BCO1: variants seen among roughly 807,000 people sequenced by gnomAD.
BCO1 encodes the protein beta,beta-carotene 15,15'-dioxygenase.
In BCO1, 54 loss-of-function variants were observed where a neutral mutation model predicts 56.3. The observed-to-expected ratio is 0.96, with a 90% CI of 0.77 to 1.20. The LOEUF is 1.20. Among genes scored for constraint, BCO1 ranks in the 50% most tolerant of loss-of-function variants. BCO1 has a pLI of 0.00. For missense variants in BCO1, 801 were observed against 690.9 expected (o/e 1.16, Z -1.79); for synonymous variants, 318 against 266.1 (o/e 1.20, Z -1.90).
intron 5 of BCO1, 70 bp downstream of exon 5, chr16:81,264,857 T>C: frequency 5.8e-6 from 9 of 1,558,796 alleles, no homozygotes; most frequent in Non-Finnish European, 8.0e-6. Context: ...AGTTCTGTTT[T>C]TCGTTGATGA....
chr16:81,290,855 A>G lies in BCO1; in HGVS notation c.*278A>G. ...CCTTTCCTTTAACAAAAAGACCTTG[A>G]CCATGAATCAGAGATTGTATTCAAT... On this transcript the variant is annotated 3_prime_UTR_variant, in exon 11 of 11. Transcript: ENST00000258168. The G allele has an allele frequency of 2.7e-6, 1 of 365,412 alleles. No homozygotes were observed. Among genetic ancestry groups the G allele is most frequent in the Non-Finnish European group, 5.0e-6 (1 of 201,878 alleles). 22.6% of individuals were successfully genotyped at this position (365,412 alleles called of 1,614,324 possible). A position where few individuals can be genotyped will look rare whatever the true frequency, so the allele number is the denominator to read the frequency against.
At chr16:81,269,816 T>C (rs2151941661) in intron 6 of BCO1, among the ~76,000 whole-genome samples, 1 of 152,258 alleles carries the variant, frequency 6.6e-6, no homozygotes, top group Non-Finnish European at 1.5e-5. Flanking sequence ...TCTCCCCAAC[T>C]TGGTCATTGC....
intron 7 of BCO1, among the ~76,000 whole-genome samples, chr16:81,276,949 C>A (rs544180483): frequency 6.6e-6 from 1 of 151,392 alleles, no homozygotes; most frequent in African/African-American, 2.4e-5. Flanking sequence ...TGCCTGTAAC[C>A]TCAGCTACTC....
At chr16:81,267,876 C>T in intron 5 of BCO1, 32 bp from the exon 6 acceptor site, 1 of 1,603,030 alleles carries the variant, frequency 6.2e-7, no homozygotes, top group Non-Finnish European at 8.5e-7. Context: ...AGATCCTGCA[C>T]AATTCCTGAG....
intron 1 of BCO1, among the ~76,000 whole-genome samples, chr16:81,241,887 C>G (rs973711554): frequency 6.6e-6 from 1 of 152,138 alleles, no homozygotes; most frequent in Non-Finnish European, 1.5e-5. Context: ...TGCCGACACA[C>G]GTGTGTTCTG....
In BCO1 at chr16:81,273,340, C is replaced by A. The variant is rs1000664535; in HGVS notation, c.1101+2924C>A. 4.6e-5 allele frequency among the ~76,000 whole-genome samples: 7 copies of A among 152,224 alleles called. No homozygotes were observed. The Middle Eastern group carries it at 0.01, about 222-fold the overall frequency. ...GAACTCTGCTATTCTCCCCAGTAGC[C>A]CTAAGTCCTAGGAAAGAGCCTCAGA... On this transcript the variant is annotated intron_variant, in intron 7 of 10. Coordinates refer to ENST00000258168, the MANE Select transcript of BCO1 (RefSeq NM_017429.3).
chr16:81,263,184 C>T (rs1467690107), intron 4 of BCO1: 3 of 149,218 alleles, frequency 2.0e-5, no homozygotes, highest in African/African-American at 7.5e-5. Context: ...GATCTCAGCT[C>T]ACTGCAACCT....
chr16:81,264,897 T>C, intron 5 of BCO1, 110 bp downstream of exon 5: 2 of 1,269,708 alleles, frequency 1.6e-6, no homozygotes, highest in Non-Finnish European at 2.3e-6. Flanking sequence ...CTTTCTCCCG[T>C]AGATTATTGA....
chr16:81,252,381 G>A (rs999957989), intron 2 of BCO1, among the ~76,000 whole-genome samples: 10 of 152,012 alleles, frequency 6.6e-5, no homozygotes, highest in South Asian at 2.1e-4. Context: ...TCAGCCTCCC[G>A]AGTGGCTGGG....
chr16:81,287,659 C>T (rs1007031352), intron 10 of BCO1, among the ~76,000 whole-genome samples: 3 of 152,182 alleles, frequency 2.0e-5, no homozygotes, highest in Non-Finnish European at 4.4e-5. Context: ...AAATCACCAA[C>T]CTCACTGCAA....
intron 4 of BCO1, 189 bp downstream of exon 4, chr16:81,262,472 T>C: frequency 1.5e-6 from 1 of 653,696 alleles, no homozygotes; most frequent in East Asian, 2.9e-5. Flanking sequence ...GTTTTTATCT[T>C]CGTGTCTGTA....
chr16:81,238,723 G>A lies in BCO1; in HGVS notation c.-186G>A, dbSNP rs1055656088. 2 of 663,716 alleles carry A rather than the reference G, an allele frequency of 3.0e-6. No homozygotes were observed. Among genetic ancestry groups the A allele is most frequent in the East Asian group, 5.5e-5 (2 of 36,172 alleles). The allele number at this position is 663,716 out of a possible 1,614,324, so 41.1% of individuals were successfully genotyped here. On this transcript the variant is annotated 5_prime_UTR_variant, in exon 1 of 11. Transcript: ENST00000258168. ...AAGAGATCCAGGGCTCTTGGAGAGG[G>A]ACAAGTGAGAGCCAGCCAAAAAGGA...
chr16:81,246,453 T>G lies in BCO1; in HGVS notation c.193+850T>G, dbSNP rs190158614. ...CTAAAAAGGAGGCCAAGGTTCTTTT[T>G]CAAATAGTTAATCTTGCAAAATAAT... On this transcript the variant is annotated intron_variant, in intron 2 of 10. Transcript: ENST00000258168. 3.7e-3 allele frequency among the ~76,000 whole-genome samples: 568 copies of G among 152,254 alleles called. 1 individual carries two copies. The highest frequency in any genetic ancestry group is 4.9e-3 in the Non-Finnish European group (332 of 68,024).
chr16:81,280,417 C>A (rs182392536), intron 7 of BCO1, among the ~76,000 whole-genome samples: 1 of 151,530 alleles, frequency 6.6e-6, no homozygotes, highest in African/African-American at 2.4e-5. Flanking sequence ...AGACTGCATA[C>A]GCAATTTGTC....
intron 7 of BCO1, among the ~76,000 whole-genome samples, chr16:81,280,293 A>G (rs1304475889): frequency 1.0e-5 from 1 of 97,488 alleles, no homozygotes; most frequent in Admixed American, 1.5e-4. Flanking sequence ...AAAAAAAAAA[A>G]AAAAAAAAAA....
chr16:81,285,572 A>T lies in BCO1; in HGVS notation c.1240A>T (p.Asn414Tyr), dbSNP rs1270810593. Residue 414 changes from asparagine (N) to tyrosine (Y), a missense_variant, in exon 9 of 11, where the codon AAT (asparagine) becomes TAT (tyrosine). Coordinates refer to ENST00000258168, the MANE Select transcript of BCO1 (RefSeq NM_017429.3). ...GCTTCCACGGGTCAATTATGCTCACAATGGAAAGCAATACCGATATGTCTT... is the reference window on the plus strand; with the variant it reads ...GCTTCCACGGGTCAATTATGCTCACTATGGAAAGCAATACCGATATGTCTT... ...LELPRVNYAH[N>Y]GKQYRYVFAT... The T allele has an allele frequency of 6.2e-7, 1 of 1,613,860 alleles. No homozygotes were observed. The highest frequency in any genetic ancestry group is 8.5e-7 in the Non-Finnish European group (1 of 1,179,752).
chr16:81,240,246 A>C (rs897797506), intron 1 of BCO1, among the ~76,000 whole-genome samples: 1 of 152,038 alleles, frequency 6.6e-6, no homozygotes, highest in African/African-American at 2.4e-5. Flanking sequence ...TCTCTTAACC[A>C]CTATTAATAT....
chr16:81,285,277 A>G lies in BCO1; in HGVS notation c.1208-263A>G, dbSNP rs3803651. On this transcript the variant is annotated intron_variant, in intron 8 of 10. Transcript: ENST00000258168. ...CAATTCTCTTTGATTTCTATGTTGG[A>G]TAATTAAAGATGTTTATACACTTAA... 0.24 allele frequency among the ~76,000 whole-genome samples: 36,844 copies of G among 152,190 alleles called. 4,695 individuals carry two copies. Among genetic ancestry groups the G allele is most frequent in the Middle Eastern group, 0.33 (97 of 294 alleles).
At chr16:81,278,906 CT>C (rs1184596081) in intron 7 of BCO1, among the ~76,000 whole-genome samples, 1 of 151,670 alleles carries the variant, frequency 6.6e-6, no homozygotes, top group African/African-American at 2.4e-5. Flanking sequence ...TGCGGTTCAG[CT>C]GCTAAGTTGC....
Sources: allele counts gnomAD v4.1 joint callset (sites outside exome capture counted in the v4.1 genomes callset), GRCh38; gene constraint gnomAD v4.1.1; transcripts MANE v1.5; gene names NCBI Gene and HGNC (gene_info 2026-07-23, HGNC 2026-07-21).